HORMAD2: variants seen among roughly 807,000 people sequenced by gnomAD.
HORMAD2 encodes HORMA domain containing 2, also known as HORMA domain-containing protein 2.
A neutral mutation model predicts 38.8 loss-of-function variants in HORMAD2; 45 were observed. The observed-to-expected ratio is 1.16, with a 90% confidence interval of 0.91 to 1.49. The LOEUF (loss-of-function observed/expected upper bound fraction) is 1.49, where lower values mean the gene tolerates loss of function less well. HORMAD2 is among the 40% of genes most tolerant of loss of function. HORMAD2 has a pLI of 0.00. For synonymous variants in HORMAD2, 126 were observed against 122.8 expected (o/e 1.03, Z -0.17); for missense variants, 338 against 367.0 (o/e 0.92, Z 0.65).
the HORMAD2 span, among the ~76,000 whole-genome samples, chr22:30,204,560 C>T: frequency 6.6e-6 from 1 of 152,202 alleles, no homozygotes. Context: ...AAATGTGAAA[C>T]TCTAGGCCTT....
the HORMAD2 span, among the ~76,000 whole-genome samples, chr22:30,188,867 G>A: frequency 6.6e-6 from 1 of 152,128 alleles, no homozygotes; most frequent in Non-Finnish European, 1.5e-5. Flanking sequence ...CGGGTGCGGT[G>A]GCTCATGCCT....
downstream of HORMAD2, among the ~76,000 whole-genome samples, chr22:30,179,973 T>G (rs1286768929): frequency 6.6e-6 from 1 of 152,108 alleles, no homozygotes; most frequent in Non-Finnish European, 1.5e-5. Flanking sequence ...ACTACAGCCT[T>G]GACCTCCCAG....
intron 5 of HORMAD2, among the ~76,000 whole-genome samples, chr22:30,108,023 C>T (rs567649689): frequency 6.6e-6 from 1 of 151,644 alleles, no homozygotes; most frequent in Non-Finnish European, 1.5e-5. Flanking sequence ...CACGTGCCAC[C>T]ATGCCTTGCT....
the HORMAD2 span, among the ~76,000 whole-genome samples, chr22:30,186,792 G>A: frequency 1.3e-5 from 2 of 152,116 alleles, no homozygotes. Context: ...ATTTACCAAA[G>A]GTCAAGGATC....
chr22:30,097,107 G>A (rs2068796426), intron 2 of HORMAD2, among the ~76,000 whole-genome samples: 1 of 152,116 alleles, frequency 6.6e-6, no homozygotes, highest in African/African-American at 2.4e-5. Context: ...AAAGAAAACA[G>A]CAAAAAGCAG....
At position 30,111,808 on chromosome 22, in the gene HORMAD2, G is replaced by A. The variant is rs1252742247; in HGVS notation, c.307G>A (p.Val103Ile). ...ALEKRYLRMA[V>I]LTLYTDPMGS... ...CTTTCTCTTGAAGCTACGTATGGCA[G>A]TACTGACAGTAAGTACACACTCATT... is the stretch of plus-strand genomic sequence containing the variant. The change falls in exon 6 of 11, where the codon GTA becomes ATA. Residue 103 changes from valine (V) to isoleucine (I), a missense_variant. Physicochemically the swap from Val to Ile is conservative, Grantham distance 29. Coordinates refer to ENST00000336726, the MANE Select transcript of HORMAD2 (RefSeq NM_152510.4). 1.3e-6 allele frequency: 2 copies of A among 1,569,434 alleles called. No homozygotes were observed. Among genetic ancestry groups the A allele is most frequent in the Admixed American group, 1.9e-5 (1 of 54,024 alleles).
the HORMAD2 span, among the ~76,000 whole-genome samples, chr22:30,200,644 C>T: frequency 6.6e-6 from 1 of 151,710 alleles, no homozygotes; most frequent in Admixed American, 6.6e-5. Flanking sequence ...TTATATTGAT[C>T]AAGGGGGGTG....
chr22:30,078,463 G>A (rs1388375106), upstream of HORMAD2, among the ~76,000 whole-genome samples: 2 of 151,342 alleles, frequency 1.3e-5, no homozygotes, highest in Admixed American at 1.3e-4. Flanking sequence ...AAAATCAGCC[G>A]GGCATGGTGA....
At chr22:30,104,083 T>C (rs558202597) in intron 4 of HORMAD2, among the ~76,000 whole-genome samples, 1 of 152,298 alleles carries the variant, frequency 6.6e-6, no homozygotes, top group South Asian at 2.1e-4. Flanking sequence ...AAAACTGTGA[T>C]AAAATATTAA....
Position 30,176,146 on chromosome 22 carries a change from C to CT in HORMAD2, c.905dup (p.Ile303HisfsTer3), listed in dbSNP as rs1362931343. ...GGAAGGTCAGTGAACCAGTGAAGGTCTTCATCCCTAACAGAAAATGAAAGC... is the reference window on the plus strand; with the variant it reads ...GGAAGGTCAGTGAACCAGTGAAGGTCTTTCATCCCTAACAGAAAATGAAAGC... On this transcript the variant is annotated frameshift_variant, in exon 11 of 11. Transcript: ENST00000336726. LOFTEE classifies it high-confidence loss of function. 1.2e-6 allele frequency: 2 copies of CT among 1,608,788 alleles called. No homozygotes were observed. Among genetic ancestry groups the CT allele is most frequent in the Non-Finnish European group, 1.7e-6 (2 of 1,175,612 alleles).
the HORMAD2 span, among the ~76,000 whole-genome samples, chr22:30,206,447 C>G: frequency 6.6e-6 from 1 of 151,050 alleles, no homozygotes; most frequent in African/African-American, 2.4e-5. Flanking sequence ...CATGAGCCAC[C>G]GCGCCTGGCC....
intron 5 of HORMAD2, among the ~76,000 whole-genome samples, chr22:30,107,809 A>G (rs2146101120): frequency 6.6e-6 from 1 of 152,236 alleles, no homozygotes; most frequent in East Asian, 1.9e-4. Flanking sequence ...TTGAGTATCT[A>G]GAGATCTTGA....
chr22:30,102,288 G>T (rs1336277681), intron 3 of HORMAD2, among the ~76,000 whole-genome samples: 2 of 152,086 alleles, frequency 1.3e-5, no homozygotes, highest in South Asian at 4.1e-4. Context: ...ACATATTTTT[G>T]ATAATAAGCA....
Position 30,176,372 on chromosome 22 carries a change from G to A in HORMAD2, c.*205G>A. The A allele has an allele frequency of 1.9e-6, 1 of 518,284 alleles. No individual in the cohort carries two copies. Among genetic ancestry groups the A allele is most frequent in the South Asian group, 2.6e-5 (1 of 39,036 alleles). The allele number at this position is 518,284 out of a possible 1,614,324, so 32.1% of individuals were successfully genotyped here. On this transcript the variant is annotated 3_prime_UTR_variant, in exon 11 of 11. Transcript: ENST00000336726. ...TTGCCATAAGGAAAGCGGGTCAATA[G>A]GGCTGCCTCTGGATAGCATTACTTC...
intron 10 of HORMAD2, among the ~76,000 whole-genome samples, chr22:30,132,474 T>G (rs936953338): frequency 2.6e-5 from 4 of 150,970 alleles, no homozygotes; most frequent in African/African-American, 9.7e-5. Context: ...AGGCAGAGGT[T>G]GCAGTGAGCT....
intron 1 of HORMAD2, among the ~76,000 whole-genome samples, chr22:30,088,495 C>T (rs1295058512): frequency 6.6e-6 from 1 of 151,216 alleles, no homozygotes; most frequent in Non-Finnish European, 1.5e-5. Context: ...GTAGTAATGC[C>T]TTGTGTTCTA....
intron 10 of HORMAD2, among the ~76,000 whole-genome samples, chr22:30,124,428 G>A (rs750952267): frequency 2.6e-5 from 4 of 151,966 alleles, no homozygotes; most frequent in Non-Finnish European, 5.9e-5. Context: ...CTCCATTTAG[G>A]CTAAGATGTA....
chr22:30,202,906 G>T, the HORMAD2 span, among the ~76,000 whole-genome samples: 7 of 152,214 alleles, frequency 4.6e-5, no homozygotes, highest in African/African-American at 9.6e-5. Flanking sequence ...AAGTTAATCT[G>T]CCCTGAGATA....
At chr22:30,206,962 C>T in the HORMAD2 span, 5 of 423,370 alleles carry the variant, frequency 1.2e-5, no homozygotes, top group African/African-American at 1.0e-4. Context: ...CCCCCACCCG[C>T]CCCACTTTCT....
Sources: gnomAD v4.1 joint callset for allele counts (sites outside exome capture counted in the v4.1 genomes callset) on GRCh38, gnomAD v4.1.1 for gene constraint, MANE v1.5 for transcripts, NCBI Gene and HGNC (gene_info 2026-07-23, HGNC 2026-07-21) for gene names.